Variants in THSD7A observed in about 807,000 individuals in gnomAD.
The protein encoded by THSD7A is thrombospondin type-1 domain-containing protein 7A.
Under a neutral mutation model 231.3 loss-of-function variants are expected in THSD7A, and 96 were observed. The ratio of observed to expected loss-of-function variants is 0.41; its 90% CI spans 0.35 to 0.49. THSD7A has a LOEUF of 0.49. Ranked by LOEUF, THSD7A falls within the 20% of genes least tolerant of loss-of-function variation. The probability of loss-of-function intolerance (pLI) is 0.05; values close to 1 mark genes in which losing one functional copy is unlikely to be tolerated. For synonymous variants in THSD7A, 940 were observed against 743.3 expected (o/e 1.26, Z -4.30); for missense variants, 2,290 against 2,070.2 (o/e 1.11, Z -2.06).
chr7:11,590,501 T>C lies in THSD7A; in HGVS notation c.1412A>G (p.Glu471Gly). 1 of 1,613,232 alleles carries C rather than the reference T, an allele frequency of 6.2e-7. No individual in the cohort carries two copies. Among genetic ancestry groups the C allele is most frequent in the Non-Finnish European group, 8.5e-7 (1 of 1,179,634 alleles). The change falls in exon 4 of 28, where the codon GAA (glutamate) becomes GGA (glycine). Residue 471 changes from glutamate to glycine, a missense_variant. Coordinates refer to ENST00000423059, the MANE Select transcript of THSD7A (RefSeq NM_015204.3). This position sits in a 1 kb window ranked among gnomAD's most constrained non-coding sequence, Gnocchi z 4.4. ...TREVYCVQAN[E>G]NLLSQLSTHK... Reference sequence around the variant, plus strand: ...GGTACTTAATTGTGAGAGGAGGTTTTCGTTGGCCTGCACGCAGTACACCTC... The same window carrying C: ...GGTACTTAATTGTGAGAGGAGGTTTCCGTTGGCCTGCACGCAGTACACCTC...
intron 1 of THSD7A, among the ~76,000 whole-genome samples, chr7:11,687,537 A>G (rs1306414575): frequency 6.6e-6 from 1 of 151,928 alleles, no homozygotes; most frequent in Non-Finnish European, 1.5e-5. Flanking sequence ...GAAGAAAAAC[A>G]TCTTGCTTTT....
At chr7:11,787,111 T>C (rs1252776022) in intron 1 of THSD7A, among the ~76,000 whole-genome samples, 2 of 152,154 alleles carry the variant, frequency 1.3e-5, no homozygotes, top group Admixed American at 6.5e-5. Flanking sequence ...AACACTCAGA[T>C]TGAATTGTTT....
intron 4 of THSD7A, among the ~76,000 whole-genome samples, chr7:11,549,574 T>C (rs1789538929): frequency 6.6e-6 from 1 of 152,122 alleles, no homozygotes; most frequent in African/African-American, 2.4e-5. Flanking sequence ...CTCATACGTA[T>C]ACATTATGGA....
chr7:11,462,650 T>G (rs1274940613), intron 9 of THSD7A, among the ~76,000 whole-genome samples: 1 of 152,172 alleles, frequency 6.6e-6, no homozygotes, highest in South Asian at 2.1e-4. Flanking sequence ...TCCGGTCATT[T>G]ATTATTCATG....
chr7:11,426,403 C>T (rs1235328128), intron 15 of THSD7A, among the ~76,000 whole-genome samples: 1 of 152,056 alleles, frequency 6.6e-6, no homozygotes, highest in Non-Finnish European at 1.5e-5. Context: ...TCGAGATTAG[C>T]GAAGTGAAAC....
intron 5 of THSD7A, among the ~76,000 whole-genome samples, chr7:11,542,573 G>C (rs374204870): frequency 3.3e-5 from 5 of 152,302 alleles, no homozygotes; most frequent in Middle Eastern, 3.4e-3. Flanking sequence ...ACTGCTTAGA[G>C]ACAATCTGGA....
intron 1 of THSD7A, among the ~76,000 whole-genome samples, chr7:11,661,660 A>T (rs547190874): frequency 1.4e-3 from 208 of 151,392 alleles, no homozygotes; most frequent in African/African-American, 4.7e-3. Context: ...AAAAAAGAAC[A>T]TATAGGACAT....
chr7:11,495,977 C>A (rs1449058905), intron 6 of THSD7A, among the ~76,000 whole-genome samples: 2 of 152,130 alleles, frequency 1.3e-5, no homozygotes, highest in Non-Finnish European at 2.9e-5. Flanking sequence ...ATGGGAGAAT[C>A]TTGTCAGCTA....
At chr7:11,630,879 T>A (rs1781624509) in intron 2 of THSD7A, among the ~76,000 whole-genome samples, 2 of 152,238 alleles carry the variant, frequency 1.3e-5, no homozygotes, top group Non-Finnish European at 2.9e-5. Flanking sequence ...CTGCATCAGG[T>A]AGAGCATTCC....
chr7:11,421,296 A>C (rs1784134001), intron 16 of THSD7A, among the ~76,000 whole-genome samples: 1 of 152,094 alleles, frequency 6.6e-6, no homozygotes, highest in Admixed American at 6.5e-5. Flanking sequence ...ATAGTGAGTG[A>C]GTTCTCATGA....
chr7:11,505,177 A>G (rs1787493537), intron 6 of THSD7A, among the ~76,000 whole-genome samples: 2 of 152,202 alleles, frequency 1.3e-5, no homozygotes, highest in South Asian at 4.1e-4. Flanking sequence ...TTTTGAAAGG[A>G]AAATCTGGAT....
At chr7:11,520,957 T>C (rs543817288) in intron 6 of THSD7A, among the ~76,000 whole-genome samples, 1 of 152,322 alleles carries the variant, frequency 6.6e-6, no homozygotes, top group Non-Finnish European at 1.5e-5. Flanking sequence ...AGTCTACAAA[T>C]ATACTGAAAG....
chr7:11,434,752 T>C (rs905972225), intron 13 of THSD7A, among the ~76,000 whole-genome samples: 4 of 151,188 alleles, frequency 2.6e-5, no homozygotes, highest in African/African-American at 9.7e-5. Flanking sequence ...CCTCACAGGC[T>C]GGAAAAAGTT....
chr7:11,612,619 C>T (rs530760041), intron 2 of THSD7A, among the ~76,000 whole-genome samples: 7 of 152,172 alleles, frequency 4.6e-5, no homozygotes, highest in South Asian at 2.1e-4. Flanking sequence ...GTATCAGAAG[C>T]GATGTTATTG....
intron 1 of THSD7A, among the ~76,000 whole-genome samples, chr7:11,754,851 A>G (rs2128166015): frequency 6.6e-6 from 1 of 152,236 alleles, no homozygotes; most frequent in East Asian, 1.9e-4. Context: ...AGAATATAAT[A>G]ATAGAACTAT....
At chr7:11,777,133 A>G (rs1430032277) in intron 1 of THSD7A, among the ~76,000 whole-genome samples, 1 of 152,218 alleles carries the variant, frequency 6.6e-6, no homozygotes, top group African/African-American at 2.4e-5. Context: ...CAAAAAGTAT[A>G]TAAATTGCTC....
At chr7:11,686,424 T>C (rs963022892) in intron 1 of THSD7A, among the ~76,000 whole-genome samples, 5 of 151,936 alleles carry the variant, frequency 3.3e-5, no homozygotes, top group African/African-American at 4.8e-5. Context: ...CTGGAGAAGA[T>C]TGCTCATGAA....
chr7:11,799,869 A>C (rs933106977), intron 1 of THSD7A, among the ~76,000 whole-genome samples: 1 of 152,232 alleles, frequency 6.6e-6, no homozygotes, highest in African/African-American at 2.4e-5. Context: ...AGACAGAAAA[A>C]TCCAGTTCAC....
intron 1 of THSD7A, among the ~76,000 whole-genome samples, chr7:11,761,703 C>A (rs1031566767): frequency 1.3e-5 from 2 of 152,120 alleles, no homozygotes; most frequent in Non-Finnish European, 2.9e-5. Flanking sequence ...GTCACAAACT[C>A]TCTTTTAAAC....
Sources: gnomAD v4.1 joint callset for allele counts (sites outside exome capture counted in the v4.1 genomes callset) on GRCh38, gnomAD v4.1.1 for gene constraint, Gnocchi (gnomAD v3.1) non-coding constraint, MANE v1.5 for transcripts, NCBI Gene and HGNC (gene_info 2026-07-23, HGNC 2026-07-21) for gene names.